Variants in TRPM5 observed in about 807,000 individuals in gnomAD.
TRPM5 encodes the protein transient receptor potential cation channel subfamily M member 5.
In TRPM5, 121 loss-of-function variants were observed where a neutral mutation model predicts 124.9. That is an observed-to-expected ratio of 0.97 (90% CI 0.84 to 1.13). TRPM5 has a LOEUF of 1.13. TRPM5 is among the 50% of genes most tolerant of loss of function. The probability of loss-of-function intolerance (pLI) is 0.00; values close to 1 mark genes in which losing one functional copy is unlikely to be tolerated. For synonymous variants in TRPM5, 781 were observed against 700.5 expected (o/e 1.11, Z -1.81); for missense variants, 1,643 against 1,589.1 (o/e 1.03, Z -0.58).
In TRPM5 at chr11:2,412,963, G is replaced by A. The variant is rs369879322; in HGVS notation, c.2146C>T (p.Arg716Cys). The A allele has an allele frequency of 1.4e-5, 22 of 1,605,826 alleles. No homozygotes were observed. Among genetic ancestry groups the A allele is most frequent in the African/African-American group, 5.3e-5 (4 of 74,890 alleles). ...CAGCGTGTGAGCAGGAAGACAGCAC[G>A]TGGGCCTCGGTCACCCTGAGCCCTC... Residue 716 changes from arginine to cysteine, a missense_variant, in exon 15 of 24, where the codon CGT becomes TGT. Coordinates refer to ENST00000155858, the Ensembl canonical transcript of TRPM5.
chr11:2,414,016 C>CCCCCCCCCCCA, intron 12 of TRPM5, 45 bp downstream of exon 17: 1 of 1,259,554 alleles, frequency 7.9e-7, no homozygotes, highest in Non-Finnish European at 1.1e-6. Flanking sequence ...CTCGCCCGCC[C>CCCCCCCCCCCA]ACCCCACCCC....
intron 4 of TRPM5, among the ~76,000 whole-genome samples, chr11:2,419,246 C>T (rs1010374342): frequency 9.2e-5 from 14 of 152,238 alleles, no homozygotes; most frequent in Non-Finnish European, 1.8e-4. Context: ...AGGGCTTCCG[C>T]AGAGCAGAGC....
chr11:2,417,706 G>GGGGCCC, intron 7 of TRPM5, 21 bp downstream of exon 12: 2 of 1,087,304 alleles, frequency 1.8e-6, no homozygotes, highest in Non-Finnish European at 1.4e-6. Context: ...CGCCTGCCTT[G>GGGGCCC]CCCACCCTGC....
the TRPM5 span, among the ~76,000 whole-genome samples, chr11:2,439,499 G>T: frequency 6.6e-6 from 1 of 151,944 alleles, no homozygotes; most frequent in Non-Finnish European, 1.5e-5. Context: ...AAATAACCCC[G>T]TAAAAATTGC....
intron 18 of TRPM5, among the ~76,000 whole-genome samples, chr11:2,410,469 G>C (rs983219190): frequency 6.6e-6 from 1 of 152,120 alleles, no homozygotes; most frequent in African/African-American, 2.4e-5. Flanking sequence ...CCAAGTCTGC[G>C]GCACCCCTCG....
chr11:2,418,577 C>G, exon 5 of TRPM5: 1 of 1,611,394 alleles, frequency 6.2e-7, no homozygotes, highest in East Asian at 2.2e-5. Context: ...ACAGGGATCT[C>G]GATGCTGCCA....
chr11:2,416,136 C>T (rs1394012121), intron 7 of TRPM5, 112 bp from the exon 13 acceptor site: 15 of 711,126 alleles, frequency 2.1e-5, no homozygotes, highest in African/African-American at 5.3e-5. Context: ...GGGAACTTCA[C>T]GCTGGGACTT....
Position 2,414,855 on chromosome 11 carries a change from C to T in TRPM5, c.1621-17G>A, listed in dbSNP as rs1392389921. 2.5e-6 allele frequency: 4 copies of T among 1,589,374 alleles called. No individual in the cohort carries two copies. The highest frequency in any genetic ancestry group is 1.1e-5 in the South Asian group (1 of 87,986). ...TTCCTGGCCCTACGAGACCTGGTCT[C>T]AGGAGGCCGCCCCTCCCCTGCCCCC... On this transcript the variant is annotated splice_polypyrimidine_tract_variant and intron_variant, in intron 10 of 23. Coordinates refer to ENST00000155858, the Ensembl canonical transcript of TRPM5.
exon 19 of TRPM5, chr11:2,407,907 G>A (rs767065804): frequency 1.9e-6 from 3 of 1,613,484 alleles, no homozygotes; most frequent in Non-Finnish European, 2.5e-6. Context: ...CAGTTCACAC[G>A]GGCTTCTGGA....
the TRPM5 span, among the ~76,000 whole-genome samples, chr11:2,433,544 G>A: frequency 6.6e-6 from 1 of 152,206 alleles, no homozygotes; most frequent in African/African-American, 2.4e-5. Context: ...TGTGGAGCGG[G>A]CACTGGGCCA....
chr11:2,405,950 G>C (rs1391745407), intron 22 of TRPM5, 69 bp downstream of exon 27: 1 of 1,392,452 alleles, frequency 7.2e-7, no homozygotes, highest in East Asian at 2.3e-5. Context: ...CAGGGCTGTG[G>C]ACCCATCCCA....
At chr11:2,413,087 C>T (rs1356803726) in intron 14 of TRPM5, 47 bp downstream of exon 19, 21 of 1,539,854 alleles carry the variant, frequency 1.4e-5, no homozygotes, top group Admixed American at 4.0e-5. Context: ...GCCTCCCAGC[C>T]ACCACCCGCC....
In TRPM5 at chr11:2,415,890, C is replaced by T; in HGVS notation, c.1128+16G>A. 5 of 1,538,562 alleles carry T rather than the reference C, an allele frequency of 3.2e-6. No homozygotes were observed. In the South Asian group the frequency reaches 5.9e-5, roughly 18 times the overall value. On this transcript the variant is annotated intron_variant, in intron 8 of 23. Coordinates refer to ENST00000155858, the Ensembl canonical transcript of TRPM5. ...GTGCCATGATGGGGAGGTGGGTAGGCAGGGCTGGGAGGCACCTTCCACTCC... is the reference window on the plus strand; with the variant it reads ...GTGCCATGATGGGGAGGTGGGTAGGTAGGGCTGGGAGGCACCTTCCACTCC...
intron 18 of TRPM5, among the ~76,000 whole-genome samples, chr11:2,410,899 G>A (rs769044103): frequency 6.6e-6 from 1 of 152,194 alleles, no homozygotes; most frequent in Admixed American, 6.5e-5. Context: ...GGGCCCTGTG[G>A]GAGGGCAGAG....
At chr11:2,422,285 G>T (rs751789044) in exon 2 of TRPM5, 4 of 1,612,216 alleles carry the variant, frequency 2.5e-6, no homozygotes, top group Non-Finnish European at 3.4e-6. Context: ...AGGTCAAAGA[G>T]CACAGACGGG....
At chr11:2,434,102 G>C in the TRPM5 span, among the ~76,000 whole-genome samples, 4 of 152,010 alleles carry the variant, frequency 2.6e-5, no homozygotes, top group African/African-American at 9.7e-5. Flanking sequence ...TGTGGATGCT[G>C]TGTGTGAGTG....
intron 2 of TRPM5, 43 bp downstream of exon 7, chr11:2,422,098 C>T: frequency 1.3e-6 from 2 of 1,541,128 alleles, no homozygotes; most frequent in East Asian, 2.3e-5. Context: ...GGTCGGGCTG[C>T]CCTGTGGGGT....
chr11:2,422,868 A>G lies in TRPM5; in HGVS notation c.117+52T>C, dbSNP rs143385686. ...CTTCCAGGGAAGGAAATGGGGCCTCATGGGTTCCAGGTCAAGGCGGACATC... is the reference window on the plus strand; with the variant it reads ...CTTCCAGGGAAGGAAATGGGGCCTCGTGGGTTCCAGGTCAAGGCGGACATC... On this transcript the variant is annotated intron_variant, in intron 1 of 23. Coordinates refer to ENST00000155858, the Ensembl canonical transcript of TRPM5. 858 of 1,519,820 alleles carry G rather than the reference A, an allele frequency of 5.6e-4. 5 individuals are homozygous for G. In the African/African-American group the frequency reaches 0.011, roughly 19 times the overall value. 94.1% of individuals were successfully genotyped at this position (1,519,820 alleles called of 1,614,324 possible). A position where few individuals can be genotyped will look rare whatever the true frequency, so the allele number is the denominator to read the frequency against.
intron 18 of TRPM5, among the ~76,000 whole-genome samples, chr11:2,409,863 C>T (rs764294827): frequency 1.3e-5 from 2 of 152,188 alleles, no homozygotes; most frequent in African/African-American, 2.4e-5. Flanking sequence ...AGGCAGCACT[C>T]GGAGCAGGGG....
Sources: allele counts gnomAD v4.1 joint callset (sites outside exome capture counted in the v4.1 genomes callset), GRCh38; gene constraint gnomAD v4.1.1; transcripts MANE v1.5; gene names NCBI Gene and HGNC (gene_info 2026-07-23, HGNC 2026-07-21).